The following MCM6 variants were observed in gnomAD, a reference collection of about 807,000 sequenced individuals.
The protein encoded by MCM6 is minichromosome maintenance complex component 6, also known as DNA replication licensing factor MCM6.
A neutral mutation model predicts 94.3 loss-of-function variants in MCM6; 46 were observed. The ratio of observed to expected loss-of-function variants is 0.49; its 90% CI spans 0.39 to 0.62. The LOEUF is 0.62. Ranked by LOEUF, MCM6 falls within the 20% of genes least tolerant of loss-of-function variation. MCM6 has a pLI of 0.00. For missense variants in MCM6, 865 were observed against 1,017.9 expected, an observed-to-expected ratio of 0.85 and a Z score of 2.04; for synonymous variants, 335 against 351.9, an observed-to-expected ratio of 0.95 and a Z score of 0.54.
intron 11 of MCM6, among the ~76,000 whole-genome samples, chr2:135,853,736 A>G (rs1215431752): frequency 6.6e-6 from 1 of 150,670 alleles, no homozygotes; most frequent in African/African-American, 2.4e-5. Context: ...AATACTGGAA[A>G]AAAAAAAAAG....
intron 10 of MCM6, 108 bp from the exon 11 acceptor site, chr2:135,856,991 A>G (rs1402203625): frequency 2.1e-6 from 2 of 931,890 alleles, no homozygotes. Flanking sequence ...AACCAAAATA[A>G]TGACATACCC....
In MCM6 at chr2:135,872,849, G is replaced by C. The variant is rs1021577704; in HGVS notation, c.108-6C>G. ...CTCCATCGCTGCTCTGAAACCTGCA[G>C]GTACATTCGAGTCAACTAGATTAAG... is the stretch of plus-strand genomic sequence containing the variant. On this transcript the variant is annotated splice_region_variant and splice_polypyrimidine_tract_variant and intron_variant, in intron 1 of 16. Coordinates refer to ENST00000264156, the MANE Select transcript of MCM6 (RefSeq NM_005915.6). The C allele has an allele frequency of 6.2e-7, 1 of 1,613,372 alleles. No homozygotes were observed. The highest frequency in any genetic ancestry group is 1.3e-5 in the African/African-American group (1 of 74,844).
chr2:135,870,939 A>G (rs1192251947), intron 2 of MCM6, among the ~76,000 whole-genome samples: 1 of 152,088 alleles, frequency 6.6e-6, no homozygotes, highest in African/African-American at 2.4e-5. Context: ...TTTTTGTAGA[A>G]ATGGGATTTC....
chr2:135,872,883 C>G (rs1413804591), intron 1 of MCM6, 40 bp from the exon 2 acceptor site: 2 of 1,607,222 alleles, frequency 1.2e-6, no homozygotes, highest in Admixed American at 1.7e-5. Context: ...AGGACACAGG[C>G]AGTACAAAGA....
chr2:135,857,242 C>T (rs1393008391), intron 10 of MCM6, among the ~76,000 whole-genome samples: 3 of 152,152 alleles, frequency 2.0e-5, no homozygotes, highest in Non-Finnish European at 2.9e-5. Flanking sequence ...TAATAAAAAA[C>T]CAAAGTTGAT....
chr2:135,851,284 T>C, intron 13 of MCM6, 118 bp downstream of exon 13: 1 of 762,962 alleles, frequency 1.3e-6, no homozygotes, highest in Non-Finnish European at 2.0e-6. Flanking sequence ...GTATGAGCAT[T>C]CAACAGTTAC....
At position 135,876,255 on chromosome 2, in the gene MCM6, T is replaced by C. The variant is rs776666614; in HGVS notation, c.107+4A>G. 1.3e-6 allele frequency: 2 copies of C among 1,595,506 alleles called. No homozygotes were observed. The highest frequency in any genetic ancestry group is 1.7e-6 in the Non-Finnish European group (2 of 1,174,286). On this transcript the variant is annotated splice_donor_region_variant and intron_variant, in intron 1 of 16. Coordinates refer to ENST00000264156, the MANE Select transcript of MCM6 (RefSeq NM_005915.6). ...GGCGAGGCCCGGGGCGCTCGCCGAC[T>C]TACTCCTCCAAGAAGTCCAGGAACA...
Position 135,866,177 on chromosome 2 carries a change from A to C in MCM6, c.882T>G (p.Tyr294Ter). 6.2e-7 allele frequency: 1 copy of C among 1,614,190 alleles called. No homozygotes were observed. Among genetic ancestry groups the C allele is most frequent in the Non-Finnish European group, 8.5e-7 (1 of 1,180,022 alleles). Residue 294 changes from tyrosine to a stop codon, truncating the protein, a stop_gained, in exon 6 of 17, where the codon TAT becomes TAG. Coordinates refer to ENST00000264156, the MANE Select transcript of MCM6 (RefSeq NM_005915.6). LOFTEE classifies it high-confidence loss of function. ...CACAGCAGGCAAGAAAGACCAGCCTATAAGAAAGGTCCCTAACACCAAGGG... is the reference window on the plus strand; with the variant it reads ...CACAGCAGGCAAGAAAGACCAGCCTCTAAGAAAGGTCCCTAACACCAAGGG... ...LRALGVRDLS[Y>*]RLVFLACCVA...
intron 2 of MCM6, among the ~76,000 whole-genome samples, chr2:135,872,371 C>T (rs1302812526): frequency 2.0e-5 from 3 of 152,078 alleles, no homozygotes; most frequent in African/African-American, 7.2e-5. Context: ...TCGCTTGAAC[C>T]CGGGAGGCAG....
chr2:135,864,033 C>G (rs147411248), intron 7 of MCM6, among the ~76,000 whole-genome samples: 1 of 152,014 alleles, frequency 6.6e-6, no homozygotes, highest in Non-Finnish European at 1.5e-5. Flanking sequence ...ATCGCTTGAA[C>G]CCGGGAGGCA....
At position 135,840,138 on chromosome 2, in the gene MCM6, T is replaced by TTAC. The variant is rs1262158976; in HGVS notation, c.*696_*697insGTA. 16 of 150,622 alleles carry TTAC rather than the reference T, an allele frequency of 1.1e-4. No individual in the cohort carries two copies. The highest frequency in any genetic ancestry group is 1.0e-3 in the Admixed American group (15 of 15,060). 9.3% of individuals were successfully genotyped at this position (150,622 alleles called of 1,614,324 possible). A position where few individuals can be genotyped will look rare whatever the true frequency, so the allele number is the denominator to read the frequency against. ...CCCTAAAAAAGCAATTTGAAAACAA[T>TTAC]CCTGAGAAATTACCCTTAGGACACA... is the stretch of plus-strand genomic sequence containing the variant. On this transcript the variant is annotated 3_prime_UTR_variant, in exon 17 of 17. Transcript: ENST00000264156.
intron 6 of MCM6, 64 bp downstream of exon 6, chr2:135,866,068 C>T: frequency 6.3e-7 from 1 of 1,586,728 alleles, no homozygotes; most frequent in Non-Finnish European, 8.6e-7. Flanking sequence ...TGCCATTGCA[C>T]TCCAGCCTGG....
intron 8 of MCM6, among the ~76,000 whole-genome samples, 189 bp downstream of exon 8, chr2:135,862,418 C>T (rs556485536): frequency 2.6e-5 from 4 of 151,932 alleles, no homozygotes; most frequent in Admixed American, 2.6e-4. Context: ...ATTGGTATTA[C>T]AGGCAATTTT....
chr2:135,851,386 A>G lies in MCM6; in HGVS notation c.1917+16T>C, dbSNP rs747722299. 6.2e-7 allele frequency: 1 copy of G among 1,603,856 alleles called. No homozygotes were observed. Among genetic ancestry groups the G allele is most frequent in the Non-Finnish European group, 8.5e-7 (1 of 1,172,610 alleles). ...TGTTTATCTCTGCTCTCATCATATCAAAGTGACTCTGATACCTCATCACAG... is the reference window on the plus strand; with the variant it reads ...TGTTTATCTCTGCTCTCATCATATCGAAGTGACTCTGATACCTCATCACAG... On this transcript the variant is annotated intron_variant, in intron 13 of 16. Coordinates refer to ENST00000264156, the MANE Select transcript of MCM6 (RefSeq NM_005915.6).
intron 13 of MCM6, among the ~76,000 whole-genome samples, chr2:135,850,680 G>A (rs1005545410): frequency 6.6e-6 from 1 of 152,150 alleles, no homozygotes; most frequent in African/African-American, 2.4e-5. Flanking sequence ...AGGGGAAGAG[G>A]GCTAAGACTG....
chr2:135,870,279 C>T lies in MCM6; in HGVS notation c.337G>A (p.Ala113Thr), dbSNP rs149573817. The change falls in exon 3 of 17, where the codon GCA (alanine) becomes ACA (threonine). Residue 113 changes from alanine (A) to threonine (T), a missense_variant. Transcript: ENST00000264156. The part of the protein sequence containing the change: ...EIPLAKDFYV[A>T]FQDLPTRHKI... ...TGTCTGGTAGGCAGGTCTTGGAATG[C>T]AACATAAAAATCCTTGGCAAGAGGG... 8.1e-6 allele frequency: 13 copies of T among 1,613,516 alleles called. No homozygotes were observed. The highest frequency in any genetic ancestry group is 1.7e-6 in the Non-Finnish European group (2 of 1,179,674).
At chr2:135,850,393 T>C (rs1202043676) in intron 13 of MCM6, among the ~76,000 whole-genome samples, 2 of 13,316 alleles carry the variant, frequency 1.5e-4, no homozygotes, top group Non-Finnish European at 4.3e-4. Context: ...ATAGATTATT[T>C]CATCACCCAC....
intron 1 of MCM6, 73 bp from the exon 2 acceptor site, chr2:135,872,916 T>C (rs1452289224): frequency 5.8e-6 from 9 of 1,552,438 alleles, no homozygotes; most frequent in East Asian, 2.3e-5. Context: ...ATTCAGAACA[T>C]TGGTTAAAGT....
chr2:135,868,239 T>C (rs1346690041), intron 4 of MCM6, among the ~76,000 whole-genome samples: 1 of 152,208 alleles, frequency 6.6e-6, no homozygotes, highest in Non-Finnish European at 1.5e-5. Context: ...GCTTCCAAGC[T>C]AGCCTGTCCT....
Sources: gnomAD v4.1 joint callset for allele counts (sites outside exome capture counted in the v4.1 genomes callset) on GRCh38, gnomAD v4.1.1 for gene constraint, MANE v1.5 for transcripts, NCBI Gene and HGNC (gene_info 2026-07-23, HGNC 2026-07-21) for gene names.